KCNIP4: variants seen among roughly 807,000 people sequenced by gnomAD.
KCNIP4 encodes the protein potassium voltage-gated channel interacting protein 4, also known as Kv channel-interacting protein 4.
Under a neutral mutation model 34.0 loss-of-function variants are expected in KCNIP4, and 12 were observed. That is an observed-to-expected ratio of 0.35 (90% CI 0.23 to 0.57). KCNIP4 has a LOEUF of 0.57. Among genes scored for constraint, KCNIP4 ranks in the 20% least tolerant of loss-of-function variants. KCNIP4 has a pLI of 0.83. For synonymous variants in KCNIP4, 124 were observed against 102.2 expected (o/e 1.21, Z -1.29); for missense variants, 238 against 311.7 (o/e 0.76, Z 1.78).
intron 1 of KCNIP4, among the ~76,000 whole-genome samples, chr4:21,323,291 C>A (rs1308813240): frequency 6.6e-6 from 1 of 151,736 alleles, no homozygotes; most frequent in Non-Finnish European, 1.5e-5. Context: ...TGCTCTTAGT[C>A]ATTTCAAATG....
At chr4:20,994,355 G>A (rs1263006669) in intron 1 of KCNIP4, among the ~76,000 whole-genome samples, 1 of 152,214 alleles carries the variant, frequency 6.6e-6, no homozygotes, top group Admixed American at 6.5e-5. Context: ...GTTGAGGTAA[G>A]TGCATGTGAG....
chr4:21,538,499 G>C (rs1408188282), intron 1 of KCNIP4, among the ~76,000 whole-genome samples: 2 of 152,144 alleles, frequency 1.3e-5, no homozygotes, highest in African/African-American at 4.8e-5. Context: ...CCAGTGTGTT[G>C]CTTCTTTTCT....
rs1409624170 is a variant in KCNIP4, at chr4:21,720,068, A to AG, written c.61+228502_61+228503insC. 7.3e-5 allele frequency among the ~76,000 whole-genome samples: 11 copies of AG among 151,136 alleles called. No individual in the cohort carries two copies. The South Asian group carries it at 8.4e-4, about 12-fold the overall frequency. On this transcript the variant is annotated intron_variant, in intron 1 of 8. Transcript: ENST00000382152. ...GAGAAGAGGAAAAAGAAGAAGAAGA[A>AG]AAAAAAAACAGGGCTACTGCCAGTT...
chr4:21,443,371 G>A (rs116552680), intron 1 of KCNIP4, among the ~76,000 whole-genome samples: 458 of 152,218 alleles, frequency 3.0e-3, no homozygotes, highest in Non-Finnish European at 5.8e-3. Flanking sequence ...ACTCCATACT[G>A]CTGTAGAATA....
At chr4:20,798,744 T>C (rs1317078680) in intron 3 of KCNIP4, among the ~76,000 whole-genome samples, 1 of 152,154 alleles carries the variant, frequency 6.6e-6, no homozygotes, top group Non-Finnish European at 1.5e-5. Context: ...GACTCCTTTC[T>C]GCAGGGAAAA....
intron 1 of KCNIP4, among the ~76,000 whole-genome samples, chr4:21,153,872 C>A (rs940640595): frequency 2.0e-5 from 3 of 151,968 alleles, no homozygotes; most frequent in African/African-American, 7.3e-5. Context: ...ACTCAGTACC[C>A]ACCATGGGTG....
chr4:20,743,024 T>C (rs1004098690), intron 5 of KCNIP4, among the ~76,000 whole-genome samples: 8 of 99,208 alleles, frequency 8.1e-5, no homozygotes, highest in Non-Finnish European at 1.2e-4. Flanking sequence ...GAAGGACCCT[T>C]ATAAGGGTGT....
chr4:21,383,666 C>T (rs1721748190), intron 1 of KCNIP4, among the ~76,000 whole-genome samples: 1 of 152,076 alleles, frequency 6.6e-6, no homozygotes, highest in Non-Finnish European at 1.5e-5. Context: ...TTATCTATTA[C>T]ATTGTGGTTA....
chr4:21,104,199 C>A (rs575545569), intron 1 of KCNIP4, among the ~76,000 whole-genome samples: 1 of 152,016 alleles, frequency 6.6e-6, no homozygotes, highest in Admixed American at 6.6e-5. Flanking sequence ...AACTAGTTTA[C>A]AGTCCCACCA....
chr4:21,636,563 T>C (rs1746181596), intron 1 of KCNIP4, among the ~76,000 whole-genome samples: 1 of 152,148 alleles, frequency 6.6e-6, no homozygotes, highest in Non-Finnish European at 1.5e-5. Context: ...TCCTGCTGTG[T>C]GGCAGACAAT....
chr4:20,987,386 C>A (rs1375353419), intron 1 of KCNIP4, among the ~76,000 whole-genome samples: 1 of 148,340 alleles, frequency 6.7e-6, no homozygotes, highest in Non-Finnish European at 1.5e-5. Flanking sequence ...ATGAGTCCTC[C>A]AGCAGAGGTC....
chr4:20,991,280 G>A (rs1737062017), intron 1 of KCNIP4, among the ~76,000 whole-genome samples: 1 of 152,148 alleles, frequency 6.6e-6, no homozygotes, highest in Non-Finnish European at 1.5e-5. Context: ...AGGATGTGAC[G>A]TTAACCTCAT....
At chr4:21,848,735 T>C (rs976829760) in intron 1 of KCNIP4, 3 of 152,064 alleles carry the variant, frequency 2.0e-5, no homozygotes, top group African/African-American at 7.2e-5. Context: ...GGCACCCACC[T>C]CGGGAGCACG....
intron 1 of KCNIP4, among the ~76,000 whole-genome samples, chr4:21,445,960 G>A (rs141296079): frequency 0.12 from 17,882 of 152,086 alleles, 1,213 homozygotes; most frequent in East Asian, 0.32. Context: ...AAAACTGGGC[G>A]AAGAATATGA....
At chr4:21,134,189 A>T (rs982538746) in intron 1 of KCNIP4, among the ~76,000 whole-genome samples, 3 of 151,958 alleles carry the variant, frequency 2.0e-5, no homozygotes, top group African/African-American at 7.3e-5. Flanking sequence ...CACCTCTGCC[A>T]CCCCTGAGAT....
chr4:20,817,743 T>C (rs1316447932), intron 3 of KCNIP4, among the ~76,000 whole-genome samples: 2 of 151,940 alleles, frequency 1.3e-5, no homozygotes. Context: ...AATATATATA[T>C]TAGATAATGC....
chr4:20,973,575 A>G (rs567773644), intron 1 of KCNIP4, among the ~76,000 whole-genome samples: 94 of 152,322 alleles, frequency 6.2e-4, no homozygotes, highest in East Asian at 3.9e-3. Flanking sequence ...TGTGTTCACA[A>G]TTTGGCTAAC....
chr4:20,772,342 G>A (rs1466057064), intron 3 of KCNIP4, among the ~76,000 whole-genome samples: 1 of 152,134 alleles, frequency 6.6e-6, no homozygotes. Flanking sequence ...CTACGCACAG[G>A]AGCGTAACGG....
intron 1 of KCNIP4, among the ~76,000 whole-genome samples, chr4:21,281,087 CTTT>C (rs375309491): frequency 2.3e-5 from 3 of 133,190 alleles, no homozygotes; most frequent in African/African-American, 2.9e-5. Flanking sequence ...ACATTTTCTT[CTTT>C]TTTTTTTTTT....
Sources: gnomAD v4.1 joint callset for allele counts (sites outside exome capture counted in the v4.1 genomes callset) on GRCh38, gnomAD v4.1.1 for gene constraint, MANE v1.5 for transcripts, NCBI Gene and HGNC (gene_info 2026-07-23, HGNC 2026-07-21) for gene names.